USP42: variants seen among roughly 807,000 people sequenced by gnomAD.
The protein encoded by USP42 is ubiquitin carboxyl-terminal hydrolase 42.
Under a neutral mutation model 113.0 loss-of-function variants are expected in USP42, and 23 were observed. That is an observed-to-expected ratio of 0.20 (90% confidence interval 0.15 to 0.29). The LOEUF is 0.29. Among genes scored for constraint, USP42 ranks in the 10% least tolerant of loss-of-function variants. USP42 has a pLI of 1.00. For missense variants in USP42, 2,174 were observed against 1,779.8 expected, an observed-to-expected ratio of 1.22 and a Z score of -3.99; for synonymous variants, 933 against 699.0, an observed-to-expected ratio of 1.33 and a Z score of -5.28.
At chr7:6,102,179 G>C (rs1248716202), upstream of USP42, among the ~76,000 whole-genome samples, 1 of 140,586 alleles carries the variant, frequency 7.1e-6, no homozygotes, top group Admixed American at 7.1e-5. Context: ...GCAGTGTCGC[G>C]ATCTCGGCTC....
upstream of USP42, among the ~76,000 whole-genome samples, chr7:6,103,247 G>A (rs79607670): frequency 0.028 from 4,214 of 151,124 alleles, 118 homozygotes; most frequent in South Asian, 0.087. Flanking sequence ...TACAATGCTA[G>A]GATTTGAGAT....
chr7:6,145,769 A>G (rs1781682628), intron 10 of USP42, 113 bp downstream of exon 10: 6 of 1,225,478 alleles, frequency 4.9e-6, no homozygotes, highest in Non-Finnish European at 6.8e-6. Context: ...TGAATACCCG[A>G]GGTAAAAATA....
At chr7:6,104,522 C>T (rs1562792527), upstream of USP42, among the ~76,000 whole-genome samples, 1 of 152,270 alleles carries the variant, frequency 6.6e-6, no homozygotes, top group Non-Finnish European at 1.5e-5. Context: ...GGATCCCAGA[C>T]TCCTGCGTCC....
At chr7:6,113,109 TGGCCA>T (rs797002915) in intron 2 of USP42, among the ~76,000 whole-genome samples, 32 of 152,116 alleles carry the variant, frequency 2.1e-4, no homozygotes, top group African/African-American at 7.7e-4. Flanking sequence ...TTCACCATGC[TGGCCA>T]GGCTGGTTTC....
In USP42 at chr7:6,156,980, C is replaced by A. The variant is rs764927290; in HGVS notation, c.3868C>A (p.Pro1290Thr). 4 of 1,613,544 alleles carry A rather than the reference C, an allele frequency of 2.5e-6. No individual in the cohort carries two copies. Among genetic ancestry groups the A allele is most frequent in the African/African-American group, 1.3e-5 (1 of 74,914 alleles). ...SGGPPLEGVG[P>T]FREKTKHLRM... is the part of the protein sequence containing the mutation. ...TGGCCCGCCTCTGGAAGGCGTCGGACCTTTCCGTGAGAAAACGAAACACTT... is the reference window on the plus strand; with the variant it reads ...TGGCCCGCCTCTGGAAGGCGTCGGAACTTTCCGTGAGAAAACGAAACACTT... The change falls in exon 16 of 18, where the codon CCT becomes ACT. Residue 1290 changes from proline to threonine, a missense_variant. Physicochemically the swap from Pro to Thr is conservative, Grantham distance 38. Transcript: ENST00000306177.
chr7:6,158,514 ATTG>A lies in USP42; in HGVS notation c.3944-932_3944-930del, dbSNP rs1439666402. 6.6e-6 allele frequency among the ~76,000 whole-genome samples: 1 copy of A among 151,984 alleles called. No homozygotes were observed. The highest frequency in any genetic ancestry group is 6.5e-5 in the Admixed American group (1 of 15,270). On this transcript the variant is annotated intron_variant, in intron 16 of 17. Transcript: ENST00000306177. This position sits in a 1 kb window ranked among gnomAD's most constrained non-coding sequence, Gnocchi z 4.2. ...TCCCAGCAGCCCAGAGCCAGCATGC[ATTG>A]TTGATTGAGGGGTAAACGGTCCTTA...
the USP42 span, among the ~76,000 whole-genome samples, chr7:6,086,137 G>A: frequency 1.3e-5 from 2 of 149,106 alleles, no homozygotes; most frequent in South Asian, 2.1e-4. Context: ...ACAGGTTCAA[G>A]CAATTCTCCT....
chr7:6,122,130 A>G (rs1046672375), intron 3 of USP42, among the ~76,000 whole-genome samples: 1 of 152,016 alleles, frequency 6.6e-6, no homozygotes, highest in African/African-American at 2.4e-5. Context: ...TTTGGATTTA[A>G]TGTGCTCTGT....
In USP42 at chr7:6,114,654, G is replaced by GTATATATA. The variant is rs1562805030; in HGVS notation, c.242-668_242-667insATATATAT. Reference sequence around the variant, plus strand: ...TGTGTGTGTATATATGTATGTGTGTGTGTATATATATATATATATATATAT... The same window carrying GTATATATA: ...TGTGTGTGTATATATGTATGTGTGTGTATATATATGTATATATATATATATATATATAT... On this transcript the variant is annotated intron_variant, in intron 2 of 17. Coordinates refer to ENST00000306177, the MANE Select transcript of USP42 (RefSeq NM_032172.3). 5.0e-3 allele frequency among the ~76,000 whole-genome samples: 346 copies of GTATATATA among 69,266 alleles called. 13 individuals are homozygous for GTATATATA. The highest frequency in any genetic ancestry group is 0.033 in the East Asian group (46 of 1,410). The allele number at this position is 69,266 out of a possible 152,430, so 45.4% of individuals were successfully genotyped here.
At position 6,155,303 on chromosome 7, in the gene USP42, T is replaced by G. The variant is rs371585391; in HGVS notation, c.3641+108T>G. On this transcript the variant is annotated intron_variant, in intron 15 of 17. Coordinates refer to ENST00000306177, the MANE Select transcript of USP42 (RefSeq NM_032172.3). ...CAAGTGACCAGCCAGGCCACAGTTGTATCCGTCTGATTTGTGTCTTTCATT... is the reference window on the plus strand; with the variant it reads ...CAAGTGACCAGCCAGGCCACAGTTGGATCCGTCTGATTTGTGTCTTTCATT... 1.2e-5 allele frequency: 17 copies of G among 1,422,482 alleles called. No individual in the cohort carries two copies. In the South Asian group the frequency reaches 1.7e-4, roughly 15 times the overall value. The allele number at this position is 1,422,482 out of a possible 1,614,324, so 88.1% of individuals were successfully genotyped here.
chr7:6,142,213 T>G (rs1307393370), intron 7 of USP42, among the ~76,000 whole-genome samples: 2 of 142,568 alleles, frequency 1.4e-5, no homozygotes, highest in Non-Finnish European at 3.0e-5. Flanking sequence ...AAATTTTGTT[T>G]CTTTTTTCTT....
the USP42 span, among the ~76,000 whole-genome samples, chr7:6,082,428 C>CAGACCTTGTTTCTAA: frequency 3.3e-4 from 49 of 150,670 alleles, no homozygotes; most frequent in African/African-American, 1.2e-3. Context: ...GCGCCCGGCC[C>CAGACCTTGTTTCTAA]GGGTGGGTAT....
chr7:6,155,583 A>T (rs1483570071), intron 15 of USP42, among the ~76,000 whole-genome samples: 1 of 152,068 alleles, frequency 6.6e-6, no homozygotes, highest in Admixed American at 6.6e-5. Flanking sequence ...TTATGTTTTC[A>T]TATCTGTTAT....
At chr7:6,082,603 G>GT in the USP42 span, among the ~76,000 whole-genome samples, 3,143 of 89,948 alleles carry the variant, frequency 0.035, 457 homozygotes, top group African/African-American at 0.12. Context: ...CTTTCTTTCT[G>GT]TTTTTTTTTT....
chr7:6,152,724 A>C (rs1466927627), intron 14 of USP42, among the ~76,000 whole-genome samples: 1 of 152,226 alleles, frequency 6.6e-6, no homozygotes, highest in East Asian at 1.9e-4. Context: ...AGCAGCTTTC[A>C]TTATTAACCC....
chr7:6,140,974 T>C lies in USP42; in HGVS notation c.785T>C (p.Leu262Ser). The C allele has an allele frequency of 6.6e-7, 1 of 1,522,612 alleles. No individual in the cohort carries two copies. Among genetic ancestry groups the C allele is most frequent in the East Asian group, 2.3e-5 (1 of 43,138 alleles). The allele number at this position is 1,522,612 out of a possible 1,614,324, so 94.3% of individuals were successfully genotyped here. ...TTTGATCCATATCTTGATATAACAT[T>C]GGAGATAAAGGTAAATTTCATAATT... ...DTFDPYLDIT[L>S]EIKAAQSVNK... Residue 262 changes from leucine to serine, a missense_variant, in exon 7 of 18, where the codon TTG becomes TCG. By Grantham distance (145) the Leu-to-Ser change is moderately radical. Transcript: ENST00000306177.
chr7:6,150,116 T>A lies in USP42; in HGVS notation c.1920T>A (p.Asp640Glu), dbSNP rs372653566. 48 of 1,612,734 alleles carry A rather than the reference T, an allele frequency of 3.0e-5. No homozygotes were observed. The highest frequency in any genetic ancestry group is 3.8e-5 in the Non-Finnish European group (45 of 1,179,286). Residue 640 changes from aspartate to glutamate, a missense_variant, in exon 13 of 18, where the codon GAT becomes GAA. Asp to Glu is a conservative substitution (Grantham distance 45). Transcript: ENST00000306177. The part of the protein sequence containing the change: ...TIVSSHSPGQ[D>E]AEDEEATPHE... ...TGAGCTCCCACTCTCCCGGCCAAGA[T>A]GCCGAAGATGAGGAGGCCACTCCGC...
Position 6,111,061 on chromosome 7 carries a change from G to A in USP42, c.-9-64G>A, listed in dbSNP as rs959093643. 1.7e-5 allele frequency: 25 copies of A among 1,499,850 alleles called. No homozygotes were observed. In the African/African-American group the frequency reaches 1.8e-4, roughly 11 times the overall value. The allele number at this position is 1,499,850 out of a possible 1,614,324, so 92.9% of individuals were successfully genotyped here. On this transcript the variant is annotated intron_variant, in intron 1 of 17. Transcript: ENST00000306177. ...CTGGAATGATCTTCCAAGATCTAACGGTAGGGTAAGGAGATTGCTTTTCTC... is the reference window on the plus strand; with the variant it reads ...CTGGAATGATCTTCCAAGATCTAACAGTAGGGTAAGGAGATTGCTTTTCTC...
At chr7:6,142,271 C>T (rs1417689364) in intron 7 of USP42, among the ~76,000 whole-genome samples, 3 of 150,232 alleles carry the variant, frequency 2.0e-5, no homozygotes, top group Non-Finnish European at 4.4e-5. Flanking sequence ...GGCTAGAGTG[C>T]AGTGGCTCGA....
Sources: allele counts gnomAD v4.1 joint callset (sites outside exome capture counted in the v4.1 genomes callset), GRCh38; gene constraint gnomAD v4.1.1; non-coding constraint Gnocchi (gnomAD v3.1); transcripts MANE v1.5; gene names NCBI Gene and HGNC (gene_info 2026-07-23, HGNC 2026-07-21).